The following STRN3 variants were observed in gnomAD, a reference collection of about 807,000 sequenced individuals.
STRN3 encodes striatin-3.
A neutral mutation model predicts 95.6 loss-of-function variants in STRN3; 29 were observed. The observed-to-expected ratio is 0.30, with a 90% CI of 0.23 to 0.41. STRN3 has a LOEUF of 0.41. STRN3 is among the 10% of genes least tolerant of loss of function. The pLI is 1.00. For synonymous variants in STRN3, 331 were observed against 357.6 expected (o/e 0.93, Z 0.84); for missense variants, 890 against 972.1 (o/e 0.92, Z 1.12).
intron 7 of STRN3, among the ~76,000 whole-genome samples, chr14:30,930,314 A>G (rs1878467859): frequency 1.3e-5 from 2 of 152,142 alleles, no homozygotes. Context: ...AGTTTTTGAT[A>G]ACTCAGTATA....
intron 1 of STRN3, among the ~76,000 whole-genome samples, chr14:31,023,412 C>A (rs138914428): frequency 1.3e-3 from 204 of 152,230 alleles, no homozygotes; most frequent in African/African-American, 4.6e-3. Flanking sequence ...ACTCTAAATT[C>A]TTTTTACAGA....
intron 1 of STRN3, among the ~76,000 whole-genome samples, chr14:30,994,869 T>A (rs1445430687): frequency 6.6e-6 from 1 of 152,254 alleles, no homozygotes; most frequent in Non-Finnish European, 1.5e-5. Flanking sequence ...CAAAACCATC[T>A]TATTAAGAAC....
intron 9 of STRN3, 131 bp from the exon 10 acceptor site, chr14:30,913,788 C>T: frequency 3.5e-6 from 4 of 1,132,392 alleles, no homozygotes; most frequent in Non-Finnish European, 4.9e-6. Flanking sequence ...CCCACTTCTA[C>T]TCAAAAAATC....
At chr14:30,941,776 C>A (rs897242753) in intron 5 of STRN3, among the ~76,000 whole-genome samples, 1 of 152,108 alleles carries the variant, frequency 6.6e-6, no homozygotes, top group African/African-American at 2.4e-5. Flanking sequence ...CAGGCGCCTG[C>A]CACCATGCCC....
chr14:30,996,484 C>T (rs1013650733), intron 1 of STRN3, among the ~76,000 whole-genome samples: 9 of 152,202 alleles, frequency 5.9e-5, no homozygotes, highest in South Asian at 2.1e-4. Flanking sequence ...TACTGTTTTA[C>T]GACTCTTTAA....
chr14:31,017,327 G>A (rs1026970822), intron 1 of STRN3, among the ~76,000 whole-genome samples: 5 of 150,460 alleles, frequency 3.3e-5, no homozygotes, highest in South Asian at 2.1e-4. Context: ...GTGAAACCCC[G>A]TCTCTACTAA....
At chr14:30,975,139 G>A (rs1481273735) in intron 1 of STRN3, among the ~76,000 whole-genome samples, 1 of 67,630 alleles carries the variant, frequency 1.5e-5, no homozygotes, top group East Asian at 3.1e-4. Flanking sequence ...ATTCATAACT[G>A]CAAAAATATG....
chr14:30,941,513 G>A (rs531442319), intron 5 of STRN3, among the ~76,000 whole-genome samples: 139 of 152,198 alleles, frequency 9.1e-4, no homozygotes, highest in African/African-American at 3.2e-3. Flanking sequence ...TTTATTTCTT[G>A]AGAAAACAAA....
intron 1 of STRN3, among the ~76,000 whole-genome samples, chr14:31,000,449 C>G (rs1882393627): frequency 6.6e-6 from 1 of 150,992 alleles, no homozygotes; most frequent in African/African-American, 2.4e-5. Context: ...GGGTATTAAT[C>G]CTAACTAGGG....
rs1429104654 is a variant in STRN3, at chr14:30,985,747, TATC to T, written c.283-29508_283-29506del. Among the ~76,000 whole-genome samples the T allele has an allele frequency of 8.0e-4, 122 of 152,240 alleles. 1 individual carries two copies. Among genetic ancestry groups the T allele is most frequent in the Non-Finnish European group, 1.5e-4 (10 of 68,040 alleles). On this transcript the variant is annotated intron_variant, in intron 1 of 17. Coordinates refer to ENST00000357479, the MANE Select transcript of STRN3 (RefSeq NM_001083893.2). ...CATGTTTGACTTATGTTTATAGTTT[TATC>T]ATAAGAAATATATCTTTTGCTAACG...
intron 9 of STRN3, among the ~76,000 whole-genome samples, chr14:30,916,892 G>A (rs1015473887): frequency 6.6e-5 from 10 of 152,118 alleles, no homozygotes; most frequent in Admixed American, 2.0e-4. Context: ...CCTGTAGCTC[G>A]CATATTGAAC....
At chr14:30,913,963 A>C (rs1896671839) in intron 9 of STRN3, among the ~76,000 whole-genome samples, 1 of 152,220 alleles carries the variant, frequency 6.6e-6, no homozygotes, top group African/African-American at 2.4e-5. Flanking sequence ...TATAGTTTAC[A>C]TGTTAAATAA....
intron 1 of STRN3, among the ~76,000 whole-genome samples, chr14:30,992,903 T>C (rs1882031271): frequency 6.6e-6 from 1 of 152,184 alleles, no homozygotes; most frequent in Non-Finnish European, 1.5e-5. Context: ...TTGCCTAGGC[T>C]GGTCTCAAAC....
intron 1 of STRN3, among the ~76,000 whole-genome samples, chr14:31,007,094 C>A (rs1000358602): frequency 6.6e-6 from 1 of 152,186 alleles, no homozygotes; most frequent in African/African-American, 2.4e-5. Context: ...CTAACATTTA[C>A]CTCCTATCCA....
intron 1 of STRN3, among the ~76,000 whole-genome samples, chr14:30,990,620 C>T (rs1464864464): frequency 6.6e-6 from 1 of 152,118 alleles, no homozygotes; most frequent in Non-Finnish European, 1.5e-5. Flanking sequence ...TGACACAGCA[C>T]AGATTTCATC....
At chr14:30,992,328 C>G (rs1414071516) in intron 1 of STRN3, among the ~76,000 whole-genome samples, 2 of 151,670 alleles carry the variant, frequency 1.3e-5, no homozygotes, top group Non-Finnish European at 2.9e-5. Flanking sequence ...TCGCTTGAAT[C>G]CAGGAGGCAG....
chr14:31,024,501 A>C (rs1883685651), intron 1 of STRN3, among the ~76,000 whole-genome samples: 2 of 152,230 alleles, frequency 1.3e-5, no homozygotes, highest in South Asian at 4.1e-4. Context: ...ATATCAAAAC[A>C]CAATTGTAAA....
rs570031487 is a variant in STRN3 at position 30,951,221 on chromosome 14, T to C, written c.461-277A>G. Reference sequence around the variant, plus strand: ...GGAATCAAATGCCCAGGAGATAAAATATTATTAAAACTGATTTTTTCTCTT... The same window carrying C: ...GGAATCAAATGCCCAGGAGATAAAACATTATTAAAACTGATTTTTTCTCTT... On this transcript the variant is annotated intron_variant, in intron 3 of 17. Coordinates refer to ENST00000357479, the MANE Select transcript of STRN3 (RefSeq NM_001083893.2). Among the ~76,000 whole-genome samples the C allele has an allele frequency of 5.9e-5, 9 of 152,160 alleles. No homozygotes were observed. The South Asian group carries it at 1.9e-3, about 32-fold the overall frequency.
intron 1 of STRN3, among the ~76,000 whole-genome samples, chr14:30,998,081 T>C (rs1029805610): frequency 2.6e-5 from 4 of 152,116 alleles, no homozygotes; most frequent in Non-Finnish European, 5.9e-5. Context: ...CCACAGTCAC[T>C]GTAAAAATCA....
Sources: gnomAD v4.1 joint callset for allele counts (sites outside exome capture counted in the v4.1 genomes callset) on GRCh38, gnomAD v4.1.1 for gene constraint, MANE v1.5 for transcripts, NCBI Gene and HGNC (gene_info 2026-07-23, HGNC 2026-07-21) for gene names.